The following SKIC2 variants were observed in gnomAD, a reference collection of about 807,000 sequenced individuals.
SKIC2 encodes the protein SKI2 subunit of superkiller complex, also known as superkiller complex protein 2.
chr6:31,964,862 G>A, the SKIC2 span, among the ~76,000 whole-genome samples: 1 of 152,226 alleles, frequency 6.6e-6, no homozygotes, highest in East Asian at 1.9e-4. This position sits in a 1 kb window ranked among gnomAD's most constrained non-coding sequence, Gnocchi z 5.0. Context: ...GCTCACACCT[G>A]TAATCCCAGC....
the SKIC2 span, chr6:31,963,856 C>T: frequency 3.3e-6 from 5 of 1,507,888 alleles, no homozygotes; most frequent in Non-Finnish European, 4.6e-6. This position sits in a 1 kb window ranked among gnomAD's most constrained non-coding sequence, Gnocchi z 5.3. Context: ...ACTAGCTCAC[C>T]TCTCATTGGT....
chr6:31,959,504 T>C, the SKIC2 span: 8 of 802,430 alleles, frequency 1.0e-5, no homozygotes, highest in Non-Finnish European at 1.7e-5. Context: ...GTGCCTGTAC[T>C]CCTGTCCATC....
the SKIC2 span, chr6:31,960,487 C>T: frequency 6.2e-7 from 1 of 1,614,076 alleles, no homozygotes; most frequent in Admixed American, 1.7e-5. Context: ...CTTCGCCGGC[C>T]TCCAGGGCCA....
At chr6:31,969,423 G>T in the SKIC2 span, 1 of 1,614,186 alleles carries the variant, frequency 6.2e-7, no homozygotes, top group Non-Finnish European at 8.5e-7. The surrounding 1 kb of genome is among the most constrained non-coding windows in gnomAD (Gnocchi z 6.1). Flanking sequence ...GGGGCATGGT[G>T]AGTACCTGAG....
chr6:31,966,795 G>A, the SKIC2 span: 2 of 1,614,182 alleles, frequency 1.2e-6, no homozygotes, highest in Non-Finnish European at 1.7e-6. The surrounding 1 kb of genome is among the most constrained non-coding windows in gnomAD (Gnocchi z 5.9). Context: ...TCAGGGTGGA[G>A]GACATGATGA....
chr6:31,960,461 T>C, the SKIC2 span: 1,449 of 1,614,140 alleles, frequency 9.0e-4, 16 homozygotes, highest in Admixed American at 0.017. Context: ...ATCTCTCGGC[T>C]ACAACCTCCT....
chr6:31,961,981 G>A, the SKIC2 span: 142 of 1,612,742 alleles, frequency 8.8e-5, no homozygotes, highest in Admixed American at 4.5e-4. Flanking sequence ...TGTCTTTGTC[G>A]CAGCTCACAC....
At chr6:31,959,190 A>T in the SKIC2 span, 17 of 1,609,486 alleles carry the variant, frequency 1.1e-5, no homozygotes, top group Non-Finnish European at 1.4e-5. Flanking sequence ...CTGTGGCTCC[A>T]GGATGATGGA....
chr6:31,969,346 C>T, the SKIC2 span: 1 of 1,614,218 alleles, frequency 6.2e-7, no homozygotes, highest in Non-Finnish European at 8.5e-7. The surrounding 1 kb of genome is among the most constrained non-coding windows in gnomAD (Gnocchi z 6.1). Context: ...TGGCCTGAAC[C>T]AGACGGTGGA....
chr6:31,959,546 C>T, the SKIC2 span: 1 of 654,122 alleles, frequency 1.5e-6, no homozygotes. Context: ...CAGATTACAG[C>T]CCAGTGTACC....
chr6:31,962,511 T>C, the SKIC2 span: 2 of 1,614,044 alleles, frequency 1.2e-6, no homozygotes, highest in Non-Finnish European at 1.7e-6. This position sits in a 1 kb window ranked among gnomAD's most constrained non-coding sequence, Gnocchi z 5.0. Flanking sequence ...CATTCGGGGA[T>C]GTGGGGCTGC....
At chr6:31,969,226 C>T in the SKIC2 span, 1 of 1,603,504 alleles carries the variant, frequency 6.2e-7, no homozygotes, top group Non-Finnish European at 8.5e-7. This position sits in a 1 kb window ranked among gnomAD's most constrained non-coding sequence, Gnocchi z 6.1. Flanking sequence ...TGATCTGGTC[C>T]TTCCCTGTCC....
the SKIC2 span, chr6:31,967,686 C>T: frequency 3.1e-6 from 5 of 1,611,238 alleles, no homozygotes; most frequent in Admixed American, 3.3e-5. This position sits in a 1 kb window ranked among gnomAD's most constrained non-coding sequence, Gnocchi z 4.9. Flanking sequence ...ATCACACCCC[C>T]CTCTCCTGGC....
At chr6:31,968,705 G>C in the SKIC2 span, 4 of 1,612,730 alleles carry the variant, frequency 2.5e-6, no homozygotes, top group Non-Finnish European at 3.4e-6. This position sits in a 1 kb window ranked among gnomAD's most constrained non-coding sequence, Gnocchi z 6.1. Context: ...CTGCGGGAGC[G>C]AATGCAGATA....
chr6:31,961,791 C>T, the SKIC2 span: 1 of 1,547,804 alleles, frequency 6.5e-7, no homozygotes. Flanking sequence ...AGTCTTGGTA[C>T]TCAGTCCCAG....
the SKIC2 span, chr6:31,960,795 G>T: frequency 1.5e-6 from 2 of 1,304,370 alleles, no homozygotes; most frequent in Non-Finnish European, 2.1e-6. Flanking sequence ...GGCTATCACT[G>T]GGCTACTGCT....
At chr6:31,969,057 G>A in the SKIC2 span, 44 of 1,611,772 alleles carry the variant, frequency 2.7e-5, no homozygotes, top group Non-Finnish European at 3.3e-5. The surrounding 1 kb of genome is among the most constrained non-coding windows in gnomAD (Gnocchi z 6.1). Context: ...CCCTGGGGAC[G>A]CTGGGGATCA....
chr6:31,967,608 C>A, the SKIC2 span: 1 of 1,295,682 alleles, frequency 7.7e-7, no homozygotes, highest in South Asian at 1.3e-5. The surrounding 1 kb of genome is among the most constrained non-coding windows in gnomAD (Gnocchi z 4.9). Flanking sequence ...TACTGGTGAG[C>A]TCTGCATGGT....
At chr6:31,967,228 G>T in the SKIC2 span, 1 of 1,608,990 alleles carries the variant, frequency 6.2e-7, no homozygotes, top group South Asian at 1.1e-5. This position sits in a 1 kb window ranked among gnomAD's most constrained non-coding sequence, Gnocchi z 4.9. Flanking sequence ...TAGTCCAAGT[G>T]TCTGTCCCTG....
Sources: gnomAD v4.1 joint callset for allele counts (sites outside exome capture counted in the v4.1 genomes callset) on GRCh38, gnomAD v4.1.1 for gene constraint, Gnocchi (gnomAD v3.1) non-coding constraint, MANE v1.5 for transcripts, NCBI Gene and HGNC (gene_info 2026-07-23, HGNC 2026-07-21) for gene names.